Variants in FAT3 observed in about 807,000 individuals in gnomAD.
The protein encoded by FAT3 is protocadherin Fat 3.
FAT3 carries 95 observed loss-of-function variants against 310.2 expected under a neutral mutation model. The observed-to-expected ratio is 0.31, with a 90% CI of 0.26 to 0.36. The LOEUF is 0.36. Ranked by LOEUF, FAT3 falls within the 10% of genes least tolerant of loss-of-function variation. FAT3 has a pLI of 1.00. For synonymous variants in FAT3, 2,314 were observed against 2,192.9 expected (o/e 1.06, Z -1.54); for missense variants, 5,408 against 5,715.6 (o/e 0.95, Z 1.74).
At chr11:92,696,222 A>T (rs1364646458) in intron 3 of FAT3, among the ~76,000 whole-genome samples, 3 of 152,158 alleles carry the variant, frequency 2.0e-5, no homozygotes, top group African/African-American at 7.2e-5. Context: ...ATGGAAAGTT[A>T]GATCATTTAT....
intron 4 of FAT3, among the ~76,000 whole-genome samples, chr11:92,705,561 T>G: frequency 9.1e-6 from 1 of 110,014 alleles, no homozygotes; most frequent in Non-Finnish European, 1.8e-5. Context: ...GGTGGTGTGA[T>G]GGTGGTGGTG....
At position 92,804,916 on chromosome 11, in the gene FAT3, C is replaced by T. The variant is rs534937954; in HGVS notation, c.8897-237C>T. ...CTAAACAAGAGATCATCTCCAGCTTCTCTAAGTGGATTTTATTATCTTGGA... is the reference window on the plus strand; with the variant it reads ...CTAAACAAGAGATCATCTCCAGCTTTTCTAAGTGGATTTTATTATCTTGGA... On this transcript the variant is annotated intron_variant, in intron 10 of 27. Coordinates refer to ENST00000525166, the MANE Select transcript of FAT3 (RefSeq NM_001367949.2). 2.2e-4 allele frequency among the ~76,000 whole-genome samples: 34 copies of T among 152,318 alleles called. No homozygotes were observed. The South Asian group carries it at 6.8e-3, about 31-fold the overall frequency.
chr11:92,261,620 G>A (rs1281440990), intron 1 of FAT3, among the ~76,000 whole-genome samples: 7 of 152,180 alleles, frequency 4.6e-5, no homozygotes, highest in Middle Eastern at 6.8e-3. Flanking sequence ...TACAGCCACC[G>A]GTTGGACCCA....
In FAT3 at chr11:92,799,425, AATG is replaced by A; in HGVS notation, c.6413_6415del (p.Asn2138_Val2139delinsIle). 6.2e-7 allele frequency: 1 copy of A among 1,613,542 alleles called. No homozygotes were observed. On this transcript the variant is annotated inframe_deletion, in exon 10 of 28. Transcript: ENST00000525166. ...CTTTGAAATTAACCCTAATTCAGGG[AATG>A]TTATTTTAAAGGAAGCATTCAACTC...
chr11:92,339,909 G>A (rs572284671), intron 1 of FAT3, among the ~76,000 whole-genome samples: 56 of 152,126 alleles, frequency 3.7e-4, no homozygotes, highest in African/African-American at 8.4e-4. Flanking sequence ...TCAGGAGATC[G>A]AGACCATCCT....
chr11:92,679,267 A>T (rs1943390899), intron 3 of FAT3, among the ~76,000 whole-genome samples: 1 of 148,918 alleles, frequency 6.7e-6, no homozygotes, highest in Non-Finnish European at 1.5e-5. Context: ...GAGTACAAGT[A>T]TTTTTTTTTT....
At chr11:92,761,121 T>C (rs1244674634) in intron 4 of FAT3, among the ~76,000 whole-genome samples, 1 of 152,198 alleles carries the variant, frequency 6.6e-6, no homozygotes, top group African/African-American at 2.4e-5. Flanking sequence ...TGTAATAAAA[T>C]ACCATAGGCT....
chr11:92,312,925 C>A (rs1322794716), intron 1 of FAT3, among the ~76,000 whole-genome samples: 1 of 151,996 alleles, frequency 6.6e-6, no homozygotes, highest in Non-Finnish European at 1.5e-5. Context: ...CTGGGGAAAA[C>A]AAAACAAAAC....
chr11:92,435,472 T>C (rs368233229), intron 2 of FAT3, among the ~76,000 whole-genome samples: 1 of 111,846 alleles, frequency 8.9e-6, no homozygotes, highest in Admixed American at 8.1e-5. Flanking sequence ...TTATTTATCC[T>C]TCCTTCCTTC....
chr11:92,366,935 T>C, intron 2 of FAT3: 1 of 530,616 alleles, frequency 1.9e-6, no homozygotes, highest in Non-Finnish European at 3.8e-6. Context: ...CTCGCCATGC[T>C]TTGCAGCAGT....
chr11:92,809,308 C>T (rs11020063), intron 12 of FAT3, among the ~76,000 whole-genome samples: 48,899 of 152,090 alleles, frequency 0.32, 8,102 homozygotes, highest in African/African-American at 0.35. Context: ...AATAGGGGTC[C>T]TTCAAGACCC....
chr11:92,518,468 A>T (rs1461854324), intron 2 of FAT3, among the ~76,000 whole-genome samples: 1 of 152,106 alleles, frequency 6.6e-6, no homozygotes, highest in East Asian at 1.9e-4. Context: ...CAATGAGAAC[A>T]CATGGACACA....
At chr11:92,835,492 T>A (rs544564344) in intron 15 of FAT3, among the ~76,000 whole-genome samples, 1 of 152,262 alleles carries the variant, frequency 6.6e-6, no homozygotes, top group African/African-American at 2.4e-5. Context: ...TAGTTAATAG[T>A]GGTATATTGT....
chr11:92,798,755 A>T lies in FAT3; in HGVS notation c.5742A>T (p.Val1914=). ...GTGCCACAGATCCTGACTCTGAGGT[A>T]CCCCCTGAACTGACATACAGCCTAA... is the stretch of plus-strand genomic sequence containing the variant. ...KVSATDPDSE[V]PPELTYSLME... The change falls in exon 10 of 28, where the codon GTA becomes GTT. Residue 1914 remains valine (V), a synonymous_variant. Coordinates refer to ENST00000525166, the MANE Select transcript of FAT3 (RefSeq NM_001367949.2). 2.5e-6 allele frequency: 4 copies of T among 1,613,796 alleles called. No homozygotes were observed. The highest frequency in any genetic ancestry group is 3.4e-6 in the Non-Finnish European group (4 of 1,179,836).
intron 2 of FAT3, among the ~76,000 whole-genome samples, chr11:92,459,646 G>T (rs569580810): frequency 2.0e-5 from 3 of 152,232 alleles, no homozygotes; most frequent in Non-Finnish European, 4.4e-5. Flanking sequence ...AGATAATTTT[G>T]GTCAAACCTT....
At chr11:92,431,900 G>A (rs1401486254) in intron 2 of FAT3, among the ~76,000 whole-genome samples, 3 of 151,990 alleles carry the variant, frequency 2.0e-5, no homozygotes, top group Non-Finnish European at 2.9e-5. Context: ...TGGTTACTGT[G>A]GCCTTGTAGT....
intron 5 of FAT3, 53 bp from the exon 6 acceptor site, chr11:92,764,826 C>T (rs1396215331): frequency 6.5e-7 from 1 of 1,549,246 alleles, no homozygotes; most frequent in Non-Finnish European, 8.8e-7. Flanking sequence ...GATCCAAACT[C>T]TACAACAATC....
chr11:92,756,449 A>G (rs572388133), intron 4 of FAT3, among the ~76,000 whole-genome samples: 2 of 152,206 alleles, frequency 1.3e-5, no homozygotes, highest in African/African-American at 4.8e-5. Flanking sequence ...AAAACAGGGG[A>G]GGGGGATATG....
chr11:92,636,120 C>T (rs897019239), intron 3 of FAT3, among the ~76,000 whole-genome samples: 5 of 152,066 alleles, frequency 3.3e-5, no homozygotes, highest in African/African-American at 7.2e-5. Flanking sequence ...GGTGCAACCA[C>T]GCCTGGCTAT....
Sources: gnomAD v4.1 joint callset for allele counts (sites outside exome capture counted in the v4.1 genomes callset) on GRCh38, gnomAD v4.1.1 for gene constraint, MANE v1.5 for transcripts, NCBI Gene and HGNC (gene_info 2026-07-23, HGNC 2026-07-21) for gene names.